The following SPATA6 variants were observed in gnomAD, a reference collection of about 807,000 sequenced individuals.
SPATA6 encodes the protein spermatogenesis associated 6, also known as spermatogenesis-associated protein 6.
Under a neutral mutation model 65.3 loss-of-function variants are expected in SPATA6, and 56 were observed. The observed-to-expected ratio is 0.86, with a 90% CI of 0.69 to 1.07. SPATA6 has a LOEUF of 1.07. SPATA6 is among the 50% of genes least tolerant of loss of function. SPATA6 has a pLI of 0.00. For missense variants in SPATA6, 590 were observed against 594.8 expected, an observed-to-expected ratio of 0.99 and a Z score of 0.08; for synonymous variants, 199 against 213.2, an observed-to-expected ratio of 0.93 and a Z score of 0.58.
intron 1 of SPATA6, among the ~76,000 whole-genome samples, chr1:48,465,913 AATTG>A (rs778444695): frequency 3.2e-4 from 49 of 152,300 alleles, no homozygotes; most frequent in Non-Finnish European, 6.2e-4. Flanking sequence ...ATAAACAGAT[AATTG>A]ATTATCAACT....
chr1:48,312,978 G>A (rs770725444), intron 11 of SPATA6, among the ~76,000 whole-genome samples: 13 of 152,090 alleles, frequency 8.5e-5, no homozygotes, highest in East Asian at 3.8e-4. Context: ...GACATGAAGC[G>A]AGAAGTTTAG....
chr1:48,292,977 A>C (rs1644778279), downstream of SPATA6, among the ~76,000 whole-genome samples: 1 of 152,174 alleles, frequency 6.6e-6, no homozygotes, highest in Admixed American at 6.5e-5. Flanking sequence ...GAAAGCCAGA[A>C]GGCCATCTGC....
rs546853701 is a variant in SPATA6 at position 48,315,009 on chromosome 1, G to A, written c.1195-9131C>T. On this transcript the variant is annotated intron_variant, in intron 11 of 12. Transcript: ENST00000371847. ...TAAACCAGGAAGAAGCTGAATCTCT[G>A]AATAGACCAATAACAGGCTCTGAAA... 4.0e-3 allele frequency among the ~76,000 whole-genome samples: 615 copies of A among 152,210 alleles called. 5 individuals carry two copies. Among genetic ancestry groups the A allele is most frequent in the African/African-American group, 0.014 (593 of 41,534 alleles).
intron 5 of SPATA6, among the ~76,000 whole-genome samples, chr1:48,404,752 T>C (rs199784734): frequency 5.7e-4 from 87 of 152,352 alleles, no homozygotes; most frequent in East Asian, 2.9e-3. Context: ...TTTTTTCCTA[T>C]AATGTATCTT....
intron 2 of SPATA6, among the ~76,000 whole-genome samples, chr1:48,452,406 T>A (rs1320115357): frequency 6.6e-6 from 1 of 150,866 alleles, no homozygotes; most frequent in Non-Finnish European, 1.5e-5. Context: ...TTTTTTTAGA[T>A]GGAGTCTTGT....
chr1:48,389,397 A>G (rs1336179320), intron 8 of SPATA6, among the ~76,000 whole-genome samples: 1 of 152,222 alleles, frequency 6.6e-6, no homozygotes, highest in South Asian at 2.1e-4. Flanking sequence ...TCTGAAGTCT[A>G]TCAAGAGACT....
chr1:48,278,732 A>C, the SPATA6 span, among the ~76,000 whole-genome samples: 1 of 152,230 alleles, frequency 6.6e-6, no homozygotes, highest in Non-Finnish European at 1.5e-5. Context: ...TGACGGGGAG[A>C]ATGGAACCAA....
At chr1:48,271,763 A>G in the SPATA6 span, among the ~76,000 whole-genome samples, 1 of 152,136 alleles carries the variant, frequency 6.6e-6, no homozygotes, top group Admixed American at 6.5e-5. Context: ...CTGATAATTC[A>G]GTTTGCTAAG....
chr1:48,371,270 T>TCTAGATAGATAG (rs1553158057), intron 9 of SPATA6, among the ~76,000 whole-genome samples: 1 of 131,600 alleles, frequency 7.6e-6, no homozygotes, highest in Non-Finnish European at 1.7e-5. Flanking sequence ...TATGTATCTA[T>TCTAGATAGATAG]ATAGATAGAT....
chr1:48,291,612 C>G (rs1644768622), downstream of SPATA6, among the ~76,000 whole-genome samples: 5 of 152,172 alleles, frequency 3.3e-5, no homozygotes, highest in Admixed American at 3.3e-4. Context: ...CCCAGTAGCA[C>G]TGAGTTTATT....
At chr1:48,273,484 C>T in the SPATA6 span, among the ~76,000 whole-genome samples, 1 of 152,034 alleles carries the variant, frequency 6.6e-6, no homozygotes, top group Non-Finnish European at 1.5e-5. Flanking sequence ...TAATGCTATC[C>T]CTCCCCATCC....
intron 12 of SPATA6, among the ~76,000 whole-genome samples, chr1:48,305,103 T>C (rs937378918): frequency 1.9e-4 from 29 of 152,294 alleles, no homozygotes; most frequent in Admixed American, 1.8e-3. Flanking sequence ...CACATGTTCA[T>C]AGATGGTCTA....
Position 48,428,775 on chromosome 1 carries a change from ATGTGTGTGTGTG to A in SPATA6, c.239-15636_239-15625del, listed in dbSNP as rs59651745. On this transcript the variant is annotated intron_variant, in intron 3 of 12. Coordinates refer to ENST00000371847, the MANE Select transcript of SPATA6 (RefSeq NM_019073.4). The stretch of plus-strand genomic sequence containing the variant: ...CACGGTCAACTGTATAGGTGTATAT[ATGTGTGTGTGTG>A]TGTGTGTGTGTGTGTGTGTGTGTAT... Among the ~76,000 whole-genome samples, 8 of 133,572 alleles carry A rather than the reference ATGTGTGTGTGTG, an allele frequency of 6.0e-5. No individual in the cohort carries two copies. In the East Asian group the frequency reaches 6.6e-4, roughly 11 times the overall value. The allele number at this position is 133,572 out of a possible 152,430, so 87.6% of individuals were successfully genotyped here.
the SPATA6 span, among the ~76,000 whole-genome samples, chr1:48,278,768 A>C: frequency 6.6e-6 from 1 of 152,232 alleles, no homozygotes; most frequent in Non-Finnish European, 1.5e-5. Flanking sequence ...GCAGGATATT[A>C]TCCAGGAGAA....
intron 9 of SPATA6, among the ~76,000 whole-genome samples, chr1:48,360,714 G>A (rs1441194510): frequency 2.0e-5 from 3 of 152,126 alleles, no homozygotes; most frequent in African/African-American, 7.2e-5. Flanking sequence ...CTATTATATT[G>A]AGAATAGTCT....
intron 8 of SPATA6, among the ~76,000 whole-genome samples, chr1:48,386,698 C>T (rs981999796): frequency 6.6e-6 from 1 of 152,234 alleles, no homozygotes; most frequent in Non-Finnish European, 1.5e-5. Flanking sequence ...TACCAGGCCA[C>T]TGAAGAGCTC....
chr1:48,463,804 A>G (rs1657616494), intron 1 of SPATA6, among the ~76,000 whole-genome samples: 1 of 152,164 alleles, frequency 6.6e-6, no homozygotes, highest in African/African-American at 2.4e-5. Context: ...TGACTCATAA[A>G]GCTAAAATCT....
chr1:48,282,591 C>T, the SPATA6 span, among the ~76,000 whole-genome samples: 1 of 152,060 alleles, frequency 6.6e-6, no homozygotes. Flanking sequence ...AAAATGCTCA[C>T]CATCACTGGC....
intron 11 of SPATA6, among the ~76,000 whole-genome samples, chr1:48,328,821 A>G (rs1645836910): frequency 6.6e-6 from 1 of 152,216 alleles, no homozygotes; most frequent in Non-Finnish European, 1.5e-5. Flanking sequence ...TGACATTATT[A>G]GTTTTCATTA....
Sources: gnomAD v4.1 joint callset for allele counts (sites outside exome capture counted in the v4.1 genomes callset) on GRCh38, gnomAD v4.1.1 for gene constraint, MANE v1.5 for transcripts, NCBI Gene and HGNC (gene_info 2026-07-23, HGNC 2026-07-21) for gene names.